The following CLCA4 variants were observed in gnomAD, a reference collection of about 807,000 sequenced individuals.
CLCA4 encodes calcium-activated chloride channel regulator 4.
Under a neutral mutation model 78.9 loss-of-function variants are expected in CLCA4, and 69 were observed. That is an observed-to-expected ratio of 0.87 (90% CI 0.72 to 1.07). The LOEUF (loss-of-function observed/expected upper bound fraction) is 1.07, where lower values mean the gene tolerates loss of function less well. Ranked by LOEUF, CLCA4 falls within the 50% of genes least tolerant of loss-of-function variation. The pLI is 0.00. For missense variants in CLCA4, 1,133 were observed against 1,095.8 expected (o/e 1.03, Z -0.48); for synonymous variants, 362 against 375.8 (o/e 0.96, Z 0.42).
intron 3 of CLCA4, among the ~76,000 whole-genome samples, chr1:86,562,853 TA>T (rs10579344): frequency 0.062 from 8,194 of 133,108 alleles, 433 homozygotes; most frequent in African/African-American, 0.16. Context: ...GACTCCATCT[TA>T]AAAAAAAAAA....
rs1650157716 is a variant in CLCA4, at chr1:86,565,561, C to T, written c.735+110C>T. The T allele has an allele frequency of 3.5e-6, 3 of 853,094 alleles. No individual in the cohort carries two copies. In the South Asian group the frequency reaches 5.3e-5, roughly 15 times the overall value. 52.8% of individuals were successfully genotyped at this position (853,094 alleles called of 1,614,324 possible). A position where few individuals can be genotyped will look rare whatever the true frequency, so the allele number is the denominator to read the frequency against. ...GGATTATATATATTGATATAGAGTTCTTTGAACACTGGCTAACACATAGTA... is the reference window on the plus strand; with the variant it reads ...GGATTATATATATTGATATAGAGTTTTTTGAACACTGGCTAACACATAGTA... On this transcript the variant is annotated intron_variant, in intron 5 of 13. Transcript: ENST00000370563.
intron 1 of CLCA4, among the ~76,000 whole-genome samples, chr1:86,559,286 T>C (rs969769817): frequency 1.1e-4 from 17 of 152,190 alleles, no homozygotes; most frequent in African/African-American, 3.1e-4. Context: ...GTCTCTACTA[T>C]GGGTTTTTTT....
chr1:86,568,396 G>A (rs1224718827), intron 7 of CLCA4, among the ~76,000 whole-genome samples: 2 of 148,458 alleles, frequency 1.3e-5, no homozygotes, highest in Non-Finnish European at 3.0e-5. Context: ...TATTATAAGT[G>A]TATATTTATA....
At chr1:86,556,546 T>C (rs1401339732) in intron 1 of CLCA4, among the ~76,000 whole-genome samples, 3 of 152,192 alleles carry the variant, frequency 2.0e-5, no homozygotes, top group Non-Finnish European at 2.9e-5. Context: ...TACTTGATCA[T>C]GGTGGATTTG....
chr1:86,566,130 C>A (rs1232159543), intron 6 of CLCA4, 110 bp downstream of exon 6: 4 of 767,896 alleles, frequency 5.2e-6, no homozygotes, highest in Non-Finnish European at 2.0e-6. Context: ...GCATAAAGTA[C>A]CATCACTGCC....
At chr1:86,553,525 G>T (rs1316220998) in intron 1 of CLCA4, among the ~76,000 whole-genome samples, 1 of 152,188 alleles carries the variant, frequency 6.6e-6, no homozygotes, top group Non-Finnish European at 1.5e-5. Context: ...CGCCACCGCC[G>T]CTGCCGCCTG....
chr1:86,577,127 C>T (rs1650544130), intron 11 of CLCA4, among the ~76,000 whole-genome samples: 1 of 152,046 alleles, frequency 6.6e-6, no homozygotes, highest in African/African-American at 2.4e-5. Flanking sequence ...CTATCCCTTG[C>T]CTCTTTTTTC....
intron 7 of CLCA4, among the ~76,000 whole-genome samples, chr1:86,568,453 C>T (rs1650263043): frequency 6.7e-6 from 1 of 149,976 alleles, no homozygotes; most frequent in African/African-American, 2.4e-5. Flanking sequence ...TATTTTTAGC[C>T]AAATGGTCAT....
intron 1 of CLCA4, among the ~76,000 whole-genome samples, chr1:86,557,137 T>G (rs1280491797): frequency 6.6e-6 from 1 of 152,038 alleles, no homozygotes; most frequent in Non-Finnish European, 1.5e-5. Context: ...GCTTATAAAT[T>G]TTTTCAAAAA....
intron 1 of CLCA4, among the ~76,000 whole-genome samples, chr1:86,553,714 C>T (rs886530614): frequency 2.0e-5 from 3 of 152,186 alleles, no homozygotes; most frequent in Non-Finnish European, 4.4e-5. Context: ...GCGGGTGGAT[C>T]ACCTGAGGTC....
chr1:86,575,672 G>A, intron 11 of CLCA4, 73 bp downstream of exon 11: 1 of 1,350,294 alleles, frequency 7.4e-7, no homozygotes, highest in Non-Finnish European at 1.0e-6. Flanking sequence ...GTGGCATTGT[G>A]GAGCAGTAAG....
At chr1:86,565,133 C>G in intron 4 of CLCA4, 141 bp from the exon 5 acceptor site, 1 of 553,928 alleles carries the variant, frequency 1.8e-6, no homozygotes, top group Non-Finnish European at 3.1e-6. Context: ...CCCTTAAACC[C>G]TATAGCCAGG....
intron 7 of CLCA4, among the ~76,000 whole-genome samples, chr1:86,569,090 A>G (rs978559373): frequency 4.1e-4 from 63 of 152,068 alleles, no homozygotes; most frequent in African/African-American, 1.5e-3. Flanking sequence ...TTTCACTCTT[A>G]TGGTACATGT....
chr1:86,579,650 T>G, intron 13 of CLCA4, 63 bp downstream of exon 13: 1 of 1,088,066 alleles, frequency 9.2e-7, no homozygotes, highest in Non-Finnish European at 1.4e-6. Context: ...AAAACAGGGG[T>G]GTAAGGGTGG....
chr1:86,579,430 A>G lies in CLCA4; in HGVS notation c.2199A>G (p.Thr733=), dbSNP rs369016641. 7.4e-5 allele frequency: 120 copies of G among 1,613,382 alleles called. 1 individual carries two copies. In the African/African-American group the frequency reaches 1.1e-3, roughly 15 times the overall value. The part of the protein sequence containing the change: ...TQTTLEDFSR[T]ASGGAFVVSQ... ...CCACCTTGGAGGATTTCAGCCGAAC[A>G]GCATCCGGAGGTGCATTTGTGGTAT... is the stretch of plus-strand genomic sequence containing the variant. Residue 733 remains threonine, a synonymous_variant, in exon 13 of 14, where the codon ACA becomes ACG. Coordinates refer to ENST00000370563, the MANE Select transcript of CLCA4 (RefSeq NM_012128.4).
Position 86,579,931 on chromosome 1 carries a change from T to C in CLCA4, c.2357-11T>C. On this transcript the variant is annotated splice_polypyrimidine_tract_variant and intron_variant, in intron 13 of 13. Transcript: ENST00000370563. ...GCAGTCTCTAAACTACATGTAACTT[T>C]TTTTTCTCAGTTCAACGTTATATCA... 2 of 1,531,000 alleles carry C rather than the reference T, an allele frequency of 1.3e-6. No homozygotes were observed. Among genetic ancestry groups the C allele is most frequent in the Non-Finnish European group, 1.8e-6 (2 of 1,132,482 alleles). The allele number at this position is 1,531,000 out of a possible 1,614,324, so 94.8% of individuals were successfully genotyped here.
chr1:86,550,610 T>A lies in CLCA4; in HGVS notation c.159+3332T>A, dbSNP rs1017881561. On this transcript the variant is annotated intron_variant, in intron 1 of 13. Transcript: ENST00000370563. Reference sequence around the variant, plus strand: ...AAAACTAGGGGTCCGAAAAAAAAAATGATTTTTCTAAGATCATAGTAAGTA... The same window carrying A: ...AAAACTAGGGGTCCGAAAAAAAAAAAGATTTTTCTAAGATCATAGTAAGTA... 9.8e-4 allele frequency among the ~76,000 whole-genome samples: 147 copies of A among 150,626 alleles called. 2 individuals carry two copies. Among genetic ancestry groups the A allele is most frequent in the Non-Finnish European group, 2.1e-4 (14 of 67,706 alleles).
chr1:86,563,532 T>C, intron 3 of CLCA4, 129 bp from the exon 4 acceptor site: 1 of 505,724 alleles, frequency 2.0e-6, no homozygotes, highest in Non-Finnish European at 3.5e-6. Flanking sequence ...TACACTGAAA[T>C]ATAAATGTTG....
intron 8 of CLCA4, 27 bp downstream of exon 8, chr1:86,571,281 C>T (rs762608770): frequency 5.7e-6 from 9 of 1,585,952 alleles, no homozygotes; most frequent in East Asian, 2.2e-5. Flanking sequence ...TTATTCCAGG[C>T]CTTCAATAGT....
Sources: allele counts gnomAD v4.1 joint callset (sites outside exome capture counted in the v4.1 genomes callset), GRCh38; gene constraint gnomAD v4.1.1; transcripts MANE v1.5; gene names NCBI Gene and HGNC (gene_info 2026-07-23, HGNC 2026-07-21).